Variants in WWOX observed in about 807,000 individuals in gnomAD.
WWOX encodes the protein WW domain containing oxidoreductase.
Under a neutral mutation model 46.2 loss-of-function variants are expected in WWOX, and 69 were observed. The observed-to-expected ratio is 1.49, with a 90% CI of 1.23 to 1.82. The LOEUF (loss-of-function observed/expected upper bound fraction) is 1.82. WWOX is among the 40% of genes most tolerant of loss of function. The probability of loss-of-function intolerance (pLI) is 0.00; values close to 1 mark genes in which losing one functional copy is unlikely to be tolerated. For synonymous variants in WWOX, 359 were observed against 202.6 expected, an observed-to-expected ratio of 1.77 and a Z score of -6.56; for missense variants, 919 against 542.6, an observed-to-expected ratio of 1.69 and a Z score of -6.89.
intron 5 of WWOX, among the ~76,000 whole-genome samples, chr16:78,314,517 A>G (rs1051130420): frequency 1.3e-4 from 19 of 146,026 alleles, no homozygotes; most frequent in African/African-American, 4.8e-4. Context: ...GATGGTGCCA[A>G]TTTGTGGGGT....
At chr16:79,193,111 A>G (rs963949482) in intron 8 of WWOX, among the ~76,000 whole-genome samples, 1 of 152,210 alleles carries the variant, frequency 6.6e-6, no homozygotes, top group African/African-American at 2.4e-5. Flanking sequence ...AGCACTTTCC[A>G]TTCCATTAGA....
intron 8 of WWOX, among the ~76,000 whole-genome samples, chr16:78,937,368 C>CT (rs1350887675): frequency 6.9e-6 from 1 of 144,754 alleles, no homozygotes; most frequent in Non-Finnish European, 1.5e-5. Context: ...CATCCTTTTT[C>CT]TTTGAGTATG....
At chr16:78,560,841 T>C (rs1240222393) in intron 8 of WWOX, among the ~76,000 whole-genome samples, 2 of 152,080 alleles carry the variant, frequency 1.3e-5, no homozygotes, top group African/African-American at 4.8e-5. Context: ...AAAGCTGGGA[T>C]TGTTGCATGC....
chr16:78,427,410 T>A (rs1814163957), intron 7 of WWOX, among the ~76,000 whole-genome samples: 1 of 151,964 alleles, frequency 6.6e-6, no homozygotes, highest in East Asian at 1.9e-4. Flanking sequence ...TGTGAAAAAA[T>A]TTCAGATAAC....
At chr16:78,317,335 C>G (rs145176853) in intron 5 of WWOX, among the ~76,000 whole-genome samples, 1 of 152,266 alleles carries the variant, frequency 6.6e-6, no homozygotes, top group Non-Finnish European at 1.5e-5. Context: ...TTAGGTAAAG[C>G]AGTGTTTCTT....
chr16:78,569,840 A>G (rs997083238), intron 8 of WWOX, among the ~76,000 whole-genome samples: 4 of 152,234 alleles, frequency 2.6e-5, no homozygotes, highest in African/African-American at 9.6e-5. Flanking sequence ...TATTCGTAAT[A>G]TGATGTGACC....
intron 5 of WWOX, among the ~76,000 whole-genome samples, chr16:78,208,814 A>C (rs1428730056): frequency 6.6e-6 from 1 of 152,246 alleles, no homozygotes; most frequent in Admixed American, 6.5e-5. Flanking sequence ...CATACCAATT[A>C]ATGTTCTTAT....
intron 8 of WWOX, among the ~76,000 whole-genome samples, chr16:78,614,399 C>G (rs1216572259): frequency 6.6e-6 from 1 of 152,204 alleles, no homozygotes; most frequent in African/African-American, 2.4e-5. Flanking sequence ...TATTCTGAGT[C>G]CACATTGCTG....
intron 8 of WWOX, chr16:79,016,922 A>G (rs1276419529): frequency 6.6e-6 from 1 of 151,978 alleles, no homozygotes; most frequent in African/African-American, 2.4e-5. Flanking sequence ...CTGGGGTCGA[A>G]CTCCTGACCT....
At chr16:79,170,707 C>T (rs1371663475) in intron 8 of WWOX, among the ~76,000 whole-genome samples, 1 of 151,892 alleles carries the variant, frequency 6.6e-6, no homozygotes, top group African/African-American at 2.4e-5. Context: ...TAAGATGTTG[C>T]AAGCTCAATT....
intron 8 of WWOX, among the ~76,000 whole-genome samples, chr16:79,025,443 C>T (rs950233765): frequency 6.6e-5 from 10 of 152,126 alleles, no homozygotes; most frequent in Non-Finnish European, 1.0e-4. Context: ...CAGGTGTTTT[C>T]AGCAGAGACA....
chr16:78,800,512 A>AC (rs571556623), intron 8 of WWOX, among the ~76,000 whole-genome samples: 70 of 152,276 alleles, frequency 4.6e-4, no homozygotes, highest in Admixed American at 3.5e-3. Flanking sequence ...AGGTCTAGGA[A>AC]CGGGGGTAAG....
intron 4 of WWOX, chr16:78,123,175 CTT>C (rs2151685747): frequency 6.6e-6 from 1 of 151,850 alleles, no homozygotes; most frequent in Non-Finnish European, 1.5e-5. Flanking sequence ...TTTTCTCTCT[CTT>C]TTGTTTTGTT....
intron 5 of WWOX, among the ~76,000 whole-genome samples, chr16:78,374,527 ATTTTTTTTTTTTTTTTTTTTTTTTTTT>A (rs541225697): frequency 1.4e-5 from 1 of 70,906 alleles, no homozygotes; most frequent in African/African-American, 6.2e-5. Flanking sequence ...TCTGTCTTGA[ATTTTTTTTTTTTTTTTTTTTTTTTTTT>A]TTTTTTTTTT....
chr16:79,086,876 C>T (rs2048863110), intron 8 of WWOX, among the ~76,000 whole-genome samples: 1 of 152,132 alleles, frequency 6.6e-6, no homozygotes, highest in Non-Finnish European at 1.5e-5. Context: ...GAGTGAGACC[C>T]TGTCCCAAAA....
chr16:78,711,988 G>C (rs971204706), intron 8 of WWOX, among the ~76,000 whole-genome samples: 2 of 152,146 alleles, frequency 1.3e-5, no homozygotes, highest in African/African-American at 2.4e-5. Flanking sequence ...TCCATAATCT[G>C]TGCTAGTTCG....
intron 5 of WWOX, among the ~76,000 whole-genome samples, chr16:78,329,066 C>G (rs779109723): frequency 6.6e-6 from 1 of 151,958 alleles, no homozygotes; most frequent in Non-Finnish European, 1.5e-5. Flanking sequence ...TCAGCATGTT[C>G]GCCAGGCTGG....
chr16:78,641,988 G>T (rs990966987), intron 8 of WWOX, among the ~76,000 whole-genome samples: 9 of 152,090 alleles, frequency 5.9e-5, no homozygotes, highest in African/African-American at 1.7e-4. Flanking sequence ...TAAGTCCTTG[G>T]AAAATGCAAA....
At chr16:79,010,919 C>T (rs1038954475) in intron 8 of WWOX, among the ~76,000 whole-genome samples, 8 of 151,566 alleles carry the variant, frequency 5.3e-5, no homozygotes, top group African/African-American at 1.9e-4. Flanking sequence ...TGTGGGACCT[C>T]GGAGGTCCTG....
Sources: gnomAD v4.1 joint callset for allele counts (sites outside exome capture counted in the v4.1 genomes callset) on GRCh38, gnomAD v4.1.1 for gene constraint, MANE v1.5 for transcripts, NCBI Gene and HGNC (gene_info 2026-07-23, HGNC 2026-07-21) for gene names.